Variants in TNRC18 observed in about 807,000 individuals in gnomAD.
The protein encoded by TNRC18 is trinucleotide repeat-containing gene 18 protein.
A neutral mutation model predicts 226.7 loss-of-function variants in TNRC18; 69 were observed. That is an observed-to-expected ratio of 0.30 (90% CI 0.25 to 0.37). TNRC18 has a LOEUF of 0.37. TNRC18 is among the 10% of genes least tolerant of loss of function. TNRC18 has a pLI of 1.00. For missense variants in TNRC18, 4,754 were observed against 4,256.6 expected (o/e 1.12, Z -3.25); for synonymous variants, 2,449 against 1,927.6 (o/e 1.27, Z -7.09).
chr7:5,379,255 T>C (rs1375167767), intron 5 of TNRC18, among the ~76,000 whole-genome samples: 3 of 151,260 alleles, frequency 2.0e-5, no homozygotes, highest in East Asian at 3.9e-4. Context: ...GCGGGCATGG[T>C]GGCATGCACC....
At chr7:5,420,843 A>G (rs916106304) in intron 2 of TNRC18, 2 of 731,394 alleles carry the variant, frequency 2.7e-6, no homozygotes, top group Admixed American at 2.0e-5. Context: ...ACGAGGGCCA[A>G]GCACGCTACG....
chr7:5,337,116 C>T (rs1790195577), intron 18 of TNRC18, among the ~76,000 whole-genome samples: 1 of 152,110 alleles, frequency 6.6e-6, no homozygotes, highest in African/African-American at 2.4e-5. Flanking sequence ...AAACACGAAC[C>T]CCCAGGAACA....
intron 3 of TNRC18, among the ~76,000 whole-genome samples, chr7:5,391,163 C>T (rs1271000625): frequency 1.3e-5 from 2 of 151,968 alleles, no homozygotes; most frequent in African/African-American, 2.4e-5. Context: ...TGAACCTCAG[C>T]GGACCCAGCA....
chr7:5,372,505 G>C (rs1304654724), intron 10 of TNRC18, among the ~76,000 whole-genome samples: 2 of 151,352 alleles, frequency 1.3e-5, no homozygotes, highest in Non-Finnish European at 2.9e-5. Flanking sequence ...TTACAGGCGT[G>C]AGCCACTGTG....
rs1193243726 is a variant in TNRC18 at position 5,312,670 on chromosome 7, C to T, written c.8221G>A (p.Ala2741Thr). 3 of 1,605,276 alleles carry T rather than the reference C, an allele frequency of 1.9e-6. No homozygotes were observed. The highest frequency in any genetic ancestry group is 2.2e-5 in the East Asian group (1 of 44,770). The change falls in exon 27 of 30, where the codon GCT (alanine) becomes ACT (threonine). Residue 2741 changes from alanine to threonine, a missense_variant. Physicochemically the swap from Ala to Thr is moderately conservative, Grantham distance 58. Coordinates refer to ENST00000430969, the MANE Select transcript of TNRC18 (RefSeq NM_001080495.3). This position sits in a 1 kb window ranked among gnomAD's most constrained non-coding sequence, Gnocchi z 6.3. ...PQPTQPLQPK[A>T]QAGAKSRPKK... ...GGTCGGCTCTTGGCCCCGGCCTGAGCCTTGGGCTGCAGAGGCTGTGTGGGC... is the reference window on the plus strand; with the variant it reads ...GGTCGGCTCTTGGCCCCGGCCTGAGTCTTGGGCTGCAGAGGCTGTGTGGGC...
rs955515351 is a variant in TNRC18, at chr7:5,308,052, A to AGAT, written c.*51_*53dup. ...GGTCTCCGCGCCATGGCAGTGATGG[A>AGAT]GATGGGTCCCTGGCCGCCCTCGGGG... On this transcript the variant is annotated 3_prime_UTR_variant, in exon 30 of 30. Transcript: ENST00000430969. 69 of 1,489,692 alleles carry AGAT rather than the reference A, an allele frequency of 4.6e-5. No individual in the cohort carries two copies. Among genetic ancestry groups the AGAT allele is most frequent in the Non-Finnish European group, 5.5e-5 (61 of 1,099,468 alleles). 92.3% of individuals were successfully genotyped at this position (1,489,692 alleles called of 1,614,324 possible). A position where few individuals can be genotyped will look rare whatever the true frequency, so the allele number is the denominator to read the frequency against.
At chr7:5,341,498 T>C (rs1790681496) in intron 18 of TNRC18, among the ~76,000 whole-genome samples, 1 of 150,508 alleles carries the variant, frequency 6.6e-6, no homozygotes, top group Non-Finnish European at 1.5e-5. Flanking sequence ...GTGTGGTGGC[T>C]CACACCTGTA....
chr7:5,325,367 G>A (rs994853509), intron 19 of TNRC18, 119 bp from the exon 20 acceptor site: 3 of 1,183,396 alleles, frequency 2.5e-6, no homozygotes, highest in Admixed American at 3.0e-5. Flanking sequence ...GCCCTCCCAG[G>A]AGGAACAAAA....
At position 5,307,538 on chromosome 7, in the gene TNRC18, G is replaced by A. The variant is rs539610421; in HGVS notation, c.*568C>T. 5.8e-5 allele frequency: 26 copies of A among 449,126 alleles called. No homozygotes were observed. The highest frequency in any genetic ancestry group is 2.9e-4 in the East Asian group (4 of 13,932). The allele number at this position is 449,126 out of a possible 1,614,324, so 27.8% of individuals were successfully genotyped here. A position where few individuals can be genotyped will look rare whatever the true frequency, so the allele number is the denominator to read the frequency against. On this transcript the variant is annotated 3_prime_UTR_variant, in exon 30 of 30. Transcript: ENST00000430969. ...GACACTCCGGGCTGCAACCCCACCC[G>A]GCTCTGTTCCCCAAGTCTAGGCCAT...
chr7:5,333,533 C>T (rs1789779805), intron 18 of TNRC18, among the ~76,000 whole-genome samples: 1 of 152,188 alleles, frequency 6.6e-6, no homozygotes, highest in South Asian at 2.1e-4. Context: ...CCTCTCTACA[C>T]GACATGGCCA....
chr7:5,404,951 T>C (rs1477057604), intron 2 of TNRC18, among the ~76,000 whole-genome samples: 1 of 151,374 alleles, frequency 6.6e-6, no homozygotes, highest in Non-Finnish European at 1.5e-5. Context: ...CAGTCTCTAC[T>C]AAAATACAAA....
intron 14 of TNRC18, among the ~76,000 whole-genome samples, chr7:5,361,384 G>A (rs1361888553): frequency 6.6e-6 from 1 of 152,234 alleles, no homozygotes; most frequent in Non-Finnish European, 1.5e-5. Context: ...AAAATCTGTC[G>A]CAGGAGCCAT....
chr7:5,388,781 G>C lies in TNRC18; in HGVS notation c.1043C>G (p.Pro348Arg). Residue 348 changes from proline (P) to arginine (R), a missense_variant, in exon 5 of 30, where the codon CCC (proline) becomes CGC (arginine). Transcript: ENST00000430969. ...PPAPPKGPPA[P>R]PAATPAGVYT... ...GACGCCGGCGGGGGTGGCCGCGGGGGGTGCAGGAGGCCCCTTGGGGGGCGC... is the reference window on the plus strand; with the variant it reads ...GACGCCGGCGGGGGTGGCCGCGGGGCGTGCAGGAGGCCCCTTGGGGGGCGC... The C allele has an allele frequency of 1.6e-6, 2 of 1,216,950 alleles. No individual in the cohort carries two copies. The highest frequency in any genetic ancestry group is 2.0e-6 in the Non-Finnish European group (2 of 976,540). 75.4% of individuals were successfully genotyped at this position (1,216,950 alleles called of 1,614,324 possible).
At position 5,332,681 on chromosome 7, in the gene TNRC18, C is replaced by T; in HGVS notation, c.6088G>A (p.Gly2030Ser). The change falls in exon 19 of 30, where the codon GGC becomes AGC. Residue 2030 changes from glycine (G) to serine (S), a missense_variant. Transcript: ENST00000430969. The stretch of plus-strand genomic sequence containing the variant: ...GCGTCCTTGCGCGGGCTCAGGGGGC[C>T]GCCCTTGGCGCAGCGGCTGGTCTTG... Reference protein sequence around the residue: ...ATKTSRCAKGGPLSPRKDAGR... With the variant: ...ATKTSRCAKGSPLSPRKDAGR... 6.5e-7 allele frequency: 1 copy of T among 1,529,794 alleles called. No homozygotes were observed. The highest frequency in any genetic ancestry group is 8.8e-7 in the Non-Finnish European group (1 of 1,141,352). 94.8% of individuals were successfully genotyped at this position (1,529,794 alleles called of 1,614,324 possible).
At chr7:5,320,039 AATG>A (rs1788190515) in intron 24 of TNRC18, 1 of 380,242 alleles carries the variant, frequency 2.6e-6, no homozygotes, top group Non-Finnish European at 5.0e-6. Context: ...GAAATCCTCC[AATG>A]ATAAGAGTTC....
At chr7:5,331,137 C>T (rs1379600871) in intron 19 of TNRC18, among the ~76,000 whole-genome samples, 1 of 152,150 alleles carries the variant, frequency 6.6e-6, no homozygotes, top group Non-Finnish European at 1.5e-5. Flanking sequence ...GTCAGGAAAT[C>T]AATGTGACTC....
chr7:5,317,299 C>T (rs1363141198), intron 24 of TNRC18, among the ~76,000 whole-genome samples: 1 of 151,956 alleles, frequency 6.6e-6, no homozygotes, highest in Non-Finnish European at 1.5e-5. Flanking sequence ...CTGCAGAAAG[C>T]TAAAATGAGG....
At chr7:5,390,058 G>C (rs868066727) in intron 4 of TNRC18, 1 of 261,348 alleles carries the variant, frequency 3.8e-6, no homozygotes, top group African/African-American at 2.2e-5. Flanking sequence ...GGGGGTCTTA[G>C]GGACTCAGGT....
At chr7:5,358,805 C>T (rs567607176) in intron 15 of TNRC18, among the ~76,000 whole-genome samples, 1 of 151,246 alleles carries the variant, frequency 6.6e-6, no homozygotes, top group East Asian at 1.9e-4. Context: ...CTGAGTGACT[C>T]TGTCTCAAAA....
Sources: allele counts gnomAD v4.1 joint callset (sites outside exome capture counted in the v4.1 genomes callset), GRCh38; gene constraint gnomAD v4.1.1; non-coding constraint Gnocchi (gnomAD v3.1); transcripts MANE v1.5; gene names NCBI Gene and HGNC (gene_info 2026-07-23, HGNC 2026-07-21).